TMEM132E: variants seen among roughly 807,000 people sequenced by gnomAD.
TMEM132E encodes the protein transmembrane protein 132E.
A neutral mutation model predicts 78.5 loss-of-function variants in TMEM132E; 49 were observed. The ratio of observed to expected loss-of-function variants is 0.62; its 90% CI spans 0.50 to 0.79. TMEM132E has a LOEUF of 0.79. Ranked by LOEUF, TMEM132E falls within the 30% of genes least tolerant of loss-of-function variation. The probability of loss-of-function intolerance (pLI) is 0.00; values close to 1 mark genes in which losing one functional copy is unlikely to be tolerated. For synonymous variants in TMEM132E, 715 were observed against 670.6 expected (o/e 1.07, Z -1.02); for missense variants, 1,403 against 1,470.9 (o/e 0.95, Z 0.75).
At chr17:34,624,893 G>A (rs961710709) in intron 1 of TMEM132E, among the ~76,000 whole-genome samples, 1 of 152,210 alleles carries the variant, frequency 6.6e-6, no homozygotes, top group Non-Finnish European at 1.5e-5. Context: ...AGCCTCCTGC[G>A]AGACCAGCAT....
intron 1 of TMEM132E, among the ~76,000 whole-genome samples, chr17:34,616,307 G>A (rs1485649540): frequency 2.0e-5 from 3 of 152,154 alleles, no homozygotes; most frequent in Admixed American, 2.0e-4. Context: ...AGCCAAGCAT[G>A]GGGGTGGGGT....
chr17:34,626,224 C>A lies in TMEM132E; in HGVS notation c.165C>A (p.Ala55=). 1 of 1,586,844 alleles carries A rather than the reference C, an allele frequency of 6.3e-7. No individual in the cohort carries two copies. The highest frequency in any genetic ancestry group is 2.3e-5 in the East Asian group (1 of 43,420). Residue 55 remains alanine, a synonymous_variant, in exon 2 of 9, where the codon GCC becomes GCA. Coordinates refer to ENST00000631683, the MANE Select transcript of TMEM132E (RefSeq NM_001304438.2). ...VSYRLSHTRL[A]FFLREARPPS... ...ACCGCCTGTCGCACACGCGGCTGGCCTTCTTCCTGCGGGAGGCGCGGCCCC... is the reference window on the plus strand; with the variant it reads ...ACCGCCTGTCGCACACGCGGCTGGCATTCTTCCTGCGGGAGGCGCGGCCCC...
rs1555563343 is a variant in TMEM132E, at chr17:34,613,211, A to ACGCGCG, written c.68-12905_68-12900dup. The stretch of plus-strand genomic sequence containing the variant: ...CACACACACACCCACACACACACAC[A>ACGCGCG]CGCGCGCGCGCGCGCGTTCTTACAT... On this transcript the variant is annotated intron_variant, in intron 1 of 8. Transcript: ENST00000631683. 9.8e-3 allele frequency among the ~76,000 whole-genome samples: 1,135 copies of ACGCGCG among 115,824 alleles called. 19 individuals are homozygous for ACGCGCG. The highest frequency in any genetic ancestry group is 0.018 in the South Asian group (53 of 2,922). 76.0% of individuals were successfully genotyped at this position (115,824 alleles called of 152,430 possible). A position where few individuals can be genotyped will look rare whatever the true frequency, so the allele number is the denominator to read the frequency against.
chr17:34,586,083 C>T (rs1022929329), intron 1 of TMEM132E, among the ~76,000 whole-genome samples: 1 of 152,020 alleles, frequency 6.6e-6, no homozygotes, highest in Non-Finnish European at 1.5e-5. Flanking sequence ...GAAGAAGCCC[C>T]TTCTTACCTC....
rs1220993791 is a variant in TMEM132E at position 34,637,258 on chromosome 17, C to T, written c.2251C>T (p.Leu751=). The part of the protein sequence containing the change: ...LSLYSPRDYG[L]LVSSLDEHVA... The stretch of plus-strand genomic sequence containing the variant: ...CCTCTACAGCCCACGAGACTATGGA[C>T]TGCTAGTGAGCAGCCTGGATGAGCA... The change falls in exon 9 of 9, where the codon CTG becomes TTG. Residue 751 remains leucine (L), a synonymous_variant. Coordinates refer to ENST00000631683, the MANE Select transcript of TMEM132E (RefSeq NM_001304438.2). The T allele has an allele frequency of 6.2e-7, 1 of 1,614,094 alleles. No individual in the cohort carries two copies. Among genetic ancestry groups the T allele is most frequent in the Non-Finnish European group, 8.5e-7 (1 of 1,180,042 alleles).
chr17:34,621,899 C>A lies in TMEM132E; in HGVS notation c.68-4228C>A, dbSNP rs1031524529. ...TTAGTGTTGTGCGTCCAAGGTGGGT[C>A]CAAGCAGTGCCTTCCCCCACAACCT... On this transcript the variant is annotated intron_variant, in intron 1 of 8. Coordinates refer to ENST00000631683, the MANE Select transcript of TMEM132E (RefSeq NM_001304438.2). Among the ~76,000 whole-genome samples, 3 of 152,152 alleles carry A rather than the reference C, an allele frequency of 2.0e-5. No individual in the cohort carries two copies. In the East Asian group the frequency reaches 5.8e-4, roughly 29 times the overall value.
chr17:34,636,112 G>A lies in TMEM132E; in HGVS notation c.2083G>A (p.Ala695Thr). 6.3e-7 allele frequency: 1 copy of A among 1,594,236 alleles called. No homozygotes were observed. The highest frequency in any genetic ancestry group is 8.5e-7 in the Non-Finnish European group (1 of 1,171,296). The change falls in exon 8 of 9, where the codon GCC becomes ACC. Residue 695 changes from alanine (A) to threonine (T), a missense_variant. This residue lies in a region of TMEM132E where 888 missense variants were observed against 952.8 expected (regional missense o/e 0.93). Transcript: ENST00000631683. ...QLQAQVVASL[A>T]LSLRPSPGSS... Reference sequence around the variant, plus strand: ...TCAGGCCCAGGTGGTGGCCAGCCTGGCCCTCTCCCTGCGGCCCAGCCCTGG... The same window carrying A: ...TCAGGCCCAGGTGGTGGCCAGCCTGACCCTCTCCCTGCGGCCCAGCCCTGG...
rs529802501 is a variant in TMEM132E at position 34,607,321 on chromosome 17, G to A, written c.68-18806G>A. 6.6e-5 allele frequency among the ~76,000 whole-genome samples: 10 copies of A among 152,320 alleles called. No individual in the cohort carries two copies. In the South Asian group the frequency reaches 1.7e-3, roughly 25 times the overall value. On this transcript the variant is annotated intron_variant, in intron 1 of 8. Transcript: ENST00000631683. ...CAGGGGAGACAGACATGGCAACATG[G>A]TGCCAGGTGACACGTGCTCAGGCAG...
chr17:34,590,334 C>T (rs561938752), intron 1 of TMEM132E, among the ~76,000 whole-genome samples: 3 of 152,260 alleles, frequency 2.0e-5, no homozygotes, highest in Admixed American at 1.3e-4. Flanking sequence ...CACTCTCACC[C>T]TTTCCCTACA....
At position 34,637,949 on chromosome 17, in the gene TMEM132E, G is replaced by A; in HGVS notation, c.2942G>A (p.Ser981Asn). The part of the protein sequence containing the change: ...SSGSSQTSVQ[S>N]QVHGRGDGSS... The stretch of plus-strand genomic sequence containing the variant: ...GGCAGCTCGCAGACCAGCGTCCAGA[G>A]CCAGGTGCACGGCAGGGGCGACGGC... Residue 981 changes from serine to asparagine, a missense_variant, in exon 9 of 9, where the codon AGC becomes AAC. Around this residue, in one of 3 missense-constraint regions of TMEM132E, gnomAD observed 888 missense variants for 952.8 expected, o/e 0.93. Coordinates refer to ENST00000631683, the MANE Select transcript of TMEM132E (RefSeq NM_001304438.2). 2 of 1,606,200 alleles carry A rather than the reference G, an allele frequency of 1.2e-6. No homozygotes were observed. Among genetic ancestry groups the A allele is most frequent in the Non-Finnish European group, 1.7e-6 (2 of 1,177,684 alleles).
intron 1 of TMEM132E, among the ~76,000 whole-genome samples, chr17:34,582,950 C>T (rs182930060): frequency 1.2e-4 from 19 of 152,376 alleles, no homozygotes; most frequent in South Asian, 4.1e-4. Context: ...CCTTCCCGAT[C>T]CCTGAGCCTG....
intron 1 of TMEM132E, among the ~76,000 whole-genome samples, chr17:34,596,026 C>T (rs1308038671): frequency 7.4e-6 from 1 of 134,366 alleles, no homozygotes; most frequent in Non-Finnish European, 1.6e-5. Context: ...CAACCCCTCT[C>T]TCCCTCTCAC....
intron 1 of TMEM132E, among the ~76,000 whole-genome samples, chr17:34,613,063 G>A (rs946399271): frequency 1.6e-4 from 25 of 151,710 alleles, no homozygotes; most frequent in South Asian, 6.3e-4. Flanking sequence ...GAGGGGTGAG[G>A]TGGTTCCCCA....
At chr17:34,617,774 A>T (rs375752953) in intron 1 of TMEM132E, among the ~76,000 whole-genome samples, 5 of 152,118 alleles carry the variant, frequency 3.3e-5, no homozygotes, top group African/African-American at 7.2e-5. Context: ...TTTCCTCTTT[A>T]AAAAAAATTC....
rs533205384 is a variant in TMEM132E at position 34,626,521 on chromosome 17, C to A, written c.462C>A (p.Asp154Glu). ...TCTACGTAGCCGGCCGGGACTGGGA[C>A]GACTTCGGCGTCACCGAGCGGCTGC... ...VLFYVAGRDWDDFGVTERLPC... is the reference protein window; with the variant it reads ...VLFYVAGRDWEDFGVTERLPC... The change falls in exon 2 of 9, where the codon GAC (aspartate) becomes GAA (glutamate). Residue 154 changes from aspartate (D) to glutamate (E), a missense_variant. Coordinates refer to ENST00000631683, the MANE Select transcript of TMEM132E (RefSeq NM_001304438.2). 1.2e-6 allele frequency: 2 copies of A among 1,605,000 alleles called. No individual in the cohort carries two copies. Among genetic ancestry groups the A allele is most frequent in the East Asian group, 4.5e-5 (2 of 44,806 alleles).
chr17:34,600,643 G>A (rs1906210888), intron 1 of TMEM132E, among the ~76,000 whole-genome samples: 1 of 152,152 alleles, frequency 6.6e-6, no homozygotes, highest in African/African-American at 2.4e-5. Context: ...AAGGAGAGAA[G>A]CAGCCAGGAG....
intron 2 of TMEM132E, among the ~76,000 whole-genome samples, chr17:34,627,473 T>C (rs867043436): frequency 3.0e-5 from 4 of 133,000 alleles, no homozygotes; most frequent in African/African-American, 1.1e-4. Flanking sequence ...GAATCGTGTG[T>C]GTGTGTGTGT....
chr17:34,636,077 T>A lies in TMEM132E; in HGVS notation c.2048T>A (p.Ile683Asn), dbSNP rs756103639. Residue 683 changes from isoleucine (I) to asparagine (N), a missense_variant, in exon 8 of 9, where the codon ATC becomes AAC. This residue lies in a region of TMEM132E where 888 missense variants were observed against 952.8 expected (regional missense o/e 0.93). Coordinates refer to ENST00000631683, the MANE Select transcript of TMEM132E (RefSeq NM_001304438.2). ...ACGGTGACTGAGGAGAAGGTCAGCA[T>A]CACACAGCTTCAGGCCCAGGTGGTG... is the stretch of plus-strand genomic sequence containing the variant. Reference protein sequence around the residue: ...LLTVTEEKVSITQLQAQVVAS... With the variant: ...LLTVTEEKVSNTQLQAQVVAS... The A allele has an allele frequency of 6.3e-7, 1 of 1,593,894 alleles. No homozygotes were observed. The highest frequency in any genetic ancestry group is 1.7e-5 in the Admixed American group (1 of 57,194).
chr17:34,589,033 C>T (rs1905772176), intron 1 of TMEM132E, among the ~76,000 whole-genome samples: 1 of 152,162 alleles, frequency 6.6e-6, no homozygotes, highest in Admixed American at 6.5e-5. Context: ...GGATTACAGG[C>T]AAGTGCTATT....
Sources: allele counts gnomAD v4.1 joint callset (sites outside exome capture counted in the v4.1 genomes callset), GRCh38; gene constraint gnomAD v4.1.1; regional missense constraint gnomAD v4.1.1; transcripts MANE v1.5; gene names NCBI Gene and HGNC (gene_info 2026-07-23, HGNC 2026-07-21).